NLRP9: variants seen among roughly 807,000 people sequenced by gnomAD.
NLRP9 encodes NACHT, LRR and PYD domains-containing protein 9.
In NLRP9, 88 loss-of-function variants were observed where a neutral mutation model predicts 83.1. The ratio of observed to expected loss-of-function variants is 1.06; its 90% CI spans 0.89 to 1.26. The LOEUF is 1.26. NLRP9 is among the 50% of genes most tolerant of loss of function. NLRP9 has a pLI of 0.00. For synonymous variants in NLRP9, 521 were observed against 447.6 expected (o/e 1.16, Z -2.07); for missense variants, 1,308 against 1,179.3 (o/e 1.11, Z -1.60).
intron 6 of NLRP9, among the ~76,000 whole-genome samples, chr19:55,714,114 C>T (rs565530232): frequency 2.0e-5 from 3 of 151,742 alleles, no homozygotes; most frequent in Admixed American, 1.3e-4. Context: ...TGTTAGAATG[C>T]TCTATTGACC....
chr19:55,711,243 TAAA>T, intron 8 of NLRP9: 1 of 470,382 alleles, frequency 2.1e-6, no homozygotes, highest in Non-Finnish European at 2.8e-6. Context: ...ATTTGTTTTT[TAAA>T]AAATAAAAAA....
At chr19:55,734,424 CTT>C (rs1165460817) in intron 1 of NLRP9, among the ~76,000 whole-genome samples, 2 of 140,700 alleles carry the variant, frequency 1.4e-5, no homozygotes, top group East Asian at 4.3e-4. Flanking sequence ...TAAAATTGGT[CTT>C]GTCTATATAA....
intron 1 of NLRP9, among the ~76,000 whole-genome samples, chr19:55,734,109 G>A (rs1988705233): frequency 6.6e-6 from 1 of 151,372 alleles, no homozygotes; most frequent in Non-Finnish European, 1.5e-5. Context: ...ATTTTTAGTA[G>A]AGACGGAGTT....
Position 55,732,482 on chromosome 19 carries a change from T to C in NLRP9, c.1349A>G (p.Glu450Gly). 1 of 1,614,192 alleles carries C rather than the reference T, an allele frequency of 6.2e-7. No homozygotes were observed. Among genetic ancestry groups the C allele is most frequent in the Non-Finnish European group, 8.5e-7 (1 of 1,180,028 alleles). Reference sequence around the variant, plus strand: ...CAAATAAAACATGGCGGCACAAAACTCTTGGATACACAGATGCATGAAGGC... The same window carrying C: ...CAAATAAAACATGGCGGCACAAAACCCTTGGATACACAGATGCATGAAGGC... Reference protein sequence around the residue: ...CFAFMHLCIQEFCAAMFYLLK... With the variant: ...CFAFMHLCIQGFCAAMFYLLK... The change falls in exon 2 of 9, where the codon GAG becomes GGG. Residue 450 changes from glutamate (E) to glycine (G), a missense_variant. Coordinates refer to ENST00000332836, the MANE Select transcript of NLRP9 (RefSeq NM_176820.4).
chr19:55,736,403 AG>A (rs1988786601), intron 1 of NLRP9, among the ~76,000 whole-genome samples: 2 of 151,074 alleles, frequency 1.3e-5, no homozygotes, highest in Admixed American at 6.6e-5. Flanking sequence ...AAAAGAAAAA[AG>A]TCATGTCATG....
At position 55,737,734 on chromosome 19, in the gene NLRP9, T is replaced by TAAAAAAAAAAAA. The variant is rs57736610; in HGVS notation, c.280+349_280+360dup. ...GAGCAACATGGCAAGACCCTTTCTC[T>TAAAAAAAAAAAA]AAAAAAAAAAAAAAAAAAAAAAAAA... On this transcript the variant is annotated intron_variant, in intron 1 of 8. Transcript: ENST00000332836. 1.5e-3 allele frequency: 119 copies of TAAAAAAAAAAAA among 80,284 alleles called. 3 individuals carry two copies. Among genetic ancestry groups the TAAAAAAAAAAAA allele is most frequent in the Non-Finnish European group, 2.0e-3 (86 of 42,160 alleles). 5.0% of individuals were successfully genotyped at this position (80,284 alleles called of 1,614,324 possible).
intron 4 of NLRP9, among the ~76,000 whole-genome samples, chr19:55,719,784 T>C (rs1327374593): frequency 6.6e-6 from 1 of 152,126 alleles, no homozygotes; most frequent in Non-Finnish European, 1.5e-5. Context: ...CAAATGTTCA[T>C]CCACAAATGC....
chr19:55,724,388 C>A (rs1266984645), intron 3 of NLRP9, among the ~76,000 whole-genome samples: 2 of 151,916 alleles, frequency 1.3e-5, no homozygotes, highest in Non-Finnish European at 2.9e-5. Context: ...TAACTCCAAA[C>A]ATAGAAGGAG....
rs1383718439 is a variant in NLRP9, at chr19:55,723,979, C to T, written c.2159+1G>A. 2 of 1,609,828 alleles carry T rather than the reference C, an allele frequency of 1.2e-6. No homozygotes were observed. The highest frequency in any genetic ancestry group is 1.3e-5 in the African/African-American group (1 of 74,688). ...ACTCGGCATGAACAGCCCGGACTTA[C>T]ATCAGCTCTTCTATCTTGCACATTG... On this transcript the variant is annotated splice_donor_variant, in intron 4 of 8. Transcript: ENST00000332836. LOFTEE classifies it high-confidence loss of function.
chr19:55,716,915 C>A lies in NLRP9; in HGVS notation c.2160-17G>T. The stretch of plus-strand genomic sequence containing the variant: ...TTTCCCAGTCTACATGTGAAACACA[C>A]ACCATGAGACGGACCAAAGCTTTCA... On this transcript the variant is annotated splice_polypyrimidine_tract_variant and intron_variant, in intron 4 of 8. Coordinates refer to ENST00000332836, the MANE Select transcript of NLRP9 (RefSeq NM_176820.4). 1 of 1,607,388 alleles carries A rather than the reference C, an allele frequency of 6.2e-7. No individual in the cohort carries two copies.
At chr19:55,730,169 C>T (rs1988531513) in intron 2 of NLRP9, among the ~76,000 whole-genome samples, 177 bp from the exon 3 acceptor site, 1 of 152,048 alleles carries the variant, frequency 6.6e-6, no homozygotes, top group Non-Finnish European at 1.5e-5. Context: ...GAAAGTAGGC[C>T]CTGGCCAGGT....
chr19:55,725,800 G>C (rs905719856), intron 3 of NLRP9, among the ~76,000 whole-genome samples: 8 of 152,238 alleles, frequency 5.3e-5, no homozygotes, highest in African/African-American at 1.7e-4. Context: ...GCTGAGGTGG[G>C]TGGATTGCTT....
chr19:55,735,630 T>G (rs1449279251), intron 1 of NLRP9, among the ~76,000 whole-genome samples: 1 of 152,222 alleles, frequency 6.6e-6, no homozygotes, highest in East Asian at 1.9e-4. Context: ...CAATATATTA[T>G]GGACATCTTT....
At chr19:55,722,255 T>C (rs1040724645) in intron 4 of NLRP9, among the ~76,000 whole-genome samples, 1 of 152,228 alleles carries the variant, frequency 6.6e-6, no homozygotes, top group Non-Finnish European at 1.5e-5. Context: ...CCAATCCTTA[T>C]GTTAATGTAT....
At chr19:55,710,120 A>AT (rs1440699908) in intron 8 of NLRP9, among the ~76,000 whole-genome samples, 1 of 152,188 alleles carries the variant, frequency 6.6e-6, no homozygotes, top group Non-Finnish European at 1.5e-5. Context: ...CAGCGACACT[A>AT]TGAGAAAGTT....
chr19:55,714,955 A>G, intron 6 of NLRP9, 100 bp downstream of exon 6: 1 of 1,138,078 alleles, frequency 8.8e-7, no homozygotes, highest in South Asian at 1.5e-5. Flanking sequence ...GAGGACATAT[A>G]CATTCAGATG....
intron 6 of NLRP9, among the ~76,000 whole-genome samples, chr19:55,714,421 A>G (rs756663212): frequency 2.6e-5 from 4 of 151,940 alleles, no homozygotes; most frequent in Non-Finnish European, 4.4e-5. Flanking sequence ...ACCTGGGGAG[A>G]GGTGAGTCAC....
In NLRP9 at chr19:55,733,014, T is replaced by A. The variant is rs1383338516; in HGVS notation, c.817A>T (p.Ile273Phe). 8.1e-6 allele frequency: 13 copies of A among 1,614,136 alleles called. No homozygotes were observed. Among genetic ancestry groups the A allele is most frequent in the Non-Finnish European group, 1.0e-5 (12 of 1,180,034 alleles). The part of the protein sequence containing the change: ...KKMLPESSLL[I>F]ALGKLAMQKH... ...TGCATAGCCAGTTTTCCTAATGCAA[T>A]AAGGAGAGAGGATTCTGGAAGCATC... Residue 273 changes from isoleucine to phenylalanine, a missense_variant, in exon 2 of 9, where the codon ATT becomes TTT. Transcript: ENST00000332836.
At position 55,733,400 on chromosome 19, in the gene NLRP9, C is replaced by T. The variant is rs764987634; in HGVS notation, c.431G>A (p.Arg144Lys). 1.9e-6 allele frequency: 3 copies of T among 1,614,126 alleles called. No homozygotes were observed. The highest frequency in any genetic ancestry group is 2.5e-6 in the Non-Finnish European group (3 of 1,180,024). The change falls in exon 2 of 9, where the codon AGA becomes AAA. Residue 144 changes from arginine to lysine, a missense_variant. By Grantham distance (26) the Arg-to-Lys change is conservative. Transcript: ENST00000332836. ...ACCTTCCAGGACCACAGTGTGTCGT[C>T]TAGCCGCAGCAGTATATGCGTCATT... ...ELNDAYTAAA[R>K]RHTVVLEGPD...
Sources: gnomAD v4.1 joint callset for allele counts (sites outside exome capture counted in the v4.1 genomes callset) on GRCh38, gnomAD v4.1.1 for gene constraint, MANE v1.5 for transcripts, NCBI Gene and HGNC (gene_info 2026-07-23, HGNC 2026-07-21) for gene names.